Variants in RASSF8 observed in about 807,000 individuals in gnomAD.
The protein encoded by RASSF8 is ras association domain-containing protein 8.
RASSF8 carries 22 observed loss-of-function variants against 48.5 expected under a neutral mutation model. That is an observed-to-expected ratio of 0.45 (90% CI 0.32 to 0.65). RASSF8 has a LOEUF of 0.65. RASSF8 is among the 30% of genes least tolerant of loss of function. RASSF8 has a pLI of 0.03. For missense variants in RASSF8, 418 were observed against 489.2 expected (o/e 0.85, Z 1.37); for synonymous variants, 127 against 171.5 (o/e 0.74, Z 2.03).
intron 3 of RASSF8, 107 bp from the exon 4 acceptor site, chr12:26,064,391 C>A: frequency 9.0e-7 from 1 of 1,108,130 alleles, no homozygotes; most frequent in Non-Finnish European, 1.3e-6. Flanking sequence ...CAAACTTGAC[C>A]CTCTGATGCT....
chr12:26,061,581 T>C (rs1943743750), intron 3 of RASSF8, among the ~76,000 whole-genome samples: 1 of 152,166 alleles, frequency 6.6e-6, no homozygotes, highest in Admixed American at 6.5e-5. Flanking sequence ...AGATAGATAT[T>C]CCTTTTTATT....
chr12:26,046,819 A>G (rs760627915), intron 2 of RASSF8, among the ~76,000 whole-genome samples: 1 of 152,198 alleles, frequency 6.6e-6, no homozygotes, highest in Non-Finnish European at 1.5e-5. Context: ...GCTTAAGGAG[A>G]AATATCACAG....
At chr12:25,960,222 C>A (rs1941198347) in intron 1 of RASSF8, among the ~76,000 whole-genome samples, 2 of 152,228 alleles carry the variant, frequency 1.3e-5, no homozygotes, top group South Asian at 4.2e-4. Context: ...GGTAGGGGGC[C>A]CCAGGTAGTT....
intron 2 of RASSF8, among the ~76,000 whole-genome samples, chr12:26,027,550 A>G (rs900364725): frequency 6.6e-6 from 1 of 152,206 alleles, no homozygotes; most frequent in Non-Finnish European, 1.5e-5. Flanking sequence ...TGTTTTCATG[A>G]TTCACTGCTT....
At chr12:25,977,889 A>C (rs11048364) in intron 1 of RASSF8, among the ~76,000 whole-genome samples, 54,662 of 152,030 alleles carry the variant, frequency 0.36, 11,200 homozygotes, top group Non-Finnish European at 0.46. Flanking sequence ...GACACTTGGA[A>C]GGTCATTGTA....
chr12:26,001,522 A>G (rs1161228323), intron 2 of RASSF8, among the ~76,000 whole-genome samples: 1 of 152,138 alleles, frequency 6.6e-6, no homozygotes, highest in African/African-American at 2.4e-5. Flanking sequence ...TGTTTTGTTT[A>G]TATTCCTATT....
chr12:26,000,384 A>C (rs1006080217), intron 2 of RASSF8, among the ~76,000 whole-genome samples: 1 of 152,190 alleles, frequency 6.6e-6, no homozygotes, highest in African/African-American at 2.4e-5. Context: ...ATGTGTAATG[A>C]TACTAAAAAT....
At chr12:26,053,314 G>A (rs955528212) in intron 2 of RASSF8, among the ~76,000 whole-genome samples, 4 of 151,670 alleles carry the variant, frequency 2.6e-5, no homozygotes, top group East Asian at 1.9e-4. Flanking sequence ...GAATAAGAAG[G>A]CACTTTAAAT....
intron 2 of RASSF8, among the ~76,000 whole-genome samples, chr12:26,041,738 CAT>C (rs763186050): frequency 1.3e-5 from 2 of 151,954 alleles, no homozygotes; most frequent in South Asian, 2.1e-4. Flanking sequence ...AAAATGGAAA[CAT>C]AGGACAATAT....
At chr12:25,997,539 T>G (rs994281393) in intron 2 of RASSF8, among the ~76,000 whole-genome samples, 3 of 152,178 alleles carry the variant, frequency 2.0e-5, no homozygotes, top group Non-Finnish European at 4.4e-5. Context: ...TTTTATATGC[T>G]TATACCTGTT....
At chr12:25,963,115 T>C (rs1441476408) in intron 1 of RASSF8, among the ~76,000 whole-genome samples, 1 of 151,998 alleles carries the variant, frequency 6.6e-6, no homozygotes, top group Non-Finnish European at 1.5e-5. Flanking sequence ...CAAAGGAAGA[T>C]TGGGAAAACT....
chr12:26,010,807 C>T (rs1488623328), intron 2 of RASSF8, among the ~76,000 whole-genome samples: 3 of 151,788 alleles, frequency 2.0e-5, no homozygotes, highest in East Asian at 1.9e-4. Flanking sequence ...TGAGGGACAA[C>T]GTGAGAGACT....
intron 2 of RASSF8, 89 bp from the exon 3 acceptor site, chr12:26,055,147 T>C: frequency 3.5e-6 from 2 of 568,334 alleles, no homozygotes; most frequent in Middle Eastern, 4.7e-4. Context: ...GATTATGATA[T>C]GTTAAAATTT....
chr12:25,971,508 T>A (rs1460993271), intron 1 of RASSF8, among the ~76,000 whole-genome samples: 1 of 152,146 alleles, frequency 6.6e-6, no homozygotes, highest in Admixed American at 6.5e-5. Flanking sequence ...TTCTGGTCGG[T>A]CATTAATGCT....
At position 26,069,688 on chromosome 12, in the gene RASSF8, T is replaced by C. The variant is rs1309208806; in HGVS notation, c.*870T>C. On this transcript the variant is annotated 3_prime_UTR_variant, in exon 6 of 6. Coordinates refer to ENST00000689635, the MANE Select transcript of RASSF8 (RefSeq NM_001394098.1). ...CAGAATTAATCTAACATGGAAGTTA[T>C]AGATACCTGAAAGCTGGGTTGGTCT... The C allele has an allele frequency of 3.0e-6, 3 of 985,336 alleles. No individual in the cohort carries two copies. The highest frequency in any genetic ancestry group is 1.1e-4 in the East Asian group (1 of 8,830). 61.0% of individuals were successfully genotyped at this position (985,336 alleles called of 1,614,324 possible). A position where few individuals can be genotyped will look rare whatever the true frequency, so the allele number is the denominator to read the frequency against.
intron 1 of RASSF8, among the ~76,000 whole-genome samples, chr12:25,960,655 T>C (rs1026611888): frequency 1.3e-5 from 2 of 152,168 alleles, no homozygotes; most frequent in Admixed American, 6.5e-5. Context: ...CTTTCAAAAA[T>C]CTCCCCCTTC....
intron 1 of RASSF8, among the ~76,000 whole-genome samples, chr12:25,986,531 G>A (rs542797623): frequency 3.9e-5 from 6 of 152,308 alleles, no homozygotes; most frequent in Admixed American, 6.5e-5. Flanking sequence ...GGACTTGTAG[G>A]TTCTCTGTGC....
intron 2 of RASSF8, among the ~76,000 whole-genome samples, chr12:26,048,536 T>G (rs2729643): frequency 0.69 from 105,284 of 151,990 alleles, 36,533 homozygotes; most frequent in East Asian, 0.81. Context: ...TCAGGAATTG[T>G]CTTGTAATGA....
intron 1 of RASSF8, among the ~76,000 whole-genome samples, chr12:25,966,558 CTT>C (rs1217577039): frequency 6.6e-6 from 1 of 152,166 alleles, no homozygotes; most frequent in African/African-American, 2.4e-5. Context: ...TGTAAAGAAT[CTT>C]TTCATGTGTT....
Sources: allele counts gnomAD v4.1 joint callset (sites outside exome capture counted in the v4.1 genomes callset), GRCh38; gene constraint gnomAD v4.1.1; transcripts MANE v1.5; gene names NCBI Gene and HGNC (gene_info 2026-07-23, HGNC 2026-07-21).